The following PLXNA2 variants were observed in gnomAD, a reference collection of about 807,000 sequenced individuals.
The protein encoded by PLXNA2 is plexin A2, also known as plexin-A2.
A neutral mutation model predicts 193.5 loss-of-function variants in PLXNA2; 91 were observed. The ratio of observed to expected loss-of-function variants is 0.47; its 90% CI spans 0.40 to 0.56. PLXNA2 has a LOEUF of 0.56. Ranked by LOEUF, PLXNA2 falls within the 20% of genes least tolerant of loss-of-function variation. The pLI, the probability that PLXNA2 is intolerant of heterozygous loss-of-function variation, is 0.00. For missense variants in PLXNA2, 1,995 were observed against 2,503.2 expected (o/e 0.80, Z 4.33); for synonymous variants, 997 against 1,027.3 (o/e 0.97, Z 0.56).
In PLXNA2 at chr1:208,217,472, G is replaced by T; in HGVS notation, c.451C>A (p.Pro151Thr). ...RLDDLFILVE[P>T]SHKKEHYLSS... ...AGGTAGTGCTCCTTCTTGTGGGATG[G>T]CTCCACCAGGATGAAGAGGTCATCC... Residue 151 changes from proline (P) to threonine (T), a missense_variant, in exon 2 of 32, where the codon CCA becomes ACA. This residue lies in a region of PLXNA2 where 702 missense variants were observed against 812.9 expected (regional missense o/e 0.86). Transcript: ENST00000367033. The surrounding 1 kb of genome is among the most constrained non-coding windows in gnomAD (Gnocchi z 4.7). The T allele has an allele frequency of 1.2e-6, 2 of 1,614,172 alleles. No individual in the cohort carries two copies. Among genetic ancestry groups the T allele is most frequent in the Non-Finnish European group, 1.7e-6 (2 of 1,180,028 alleles).
Position 208,185,718 on chromosome 1 carries a change from AG to A in PLXNA2, c.1371+24561del, listed in dbSNP as rs1572009672. 2.5e-4 allele frequency among the ~76,000 whole-genome samples: 33 copies of A among 129,992 alleles called. 1 individual carries two copies. Among genetic ancestry groups the A allele is most frequent in the Non-Finnish European group, 3.5e-4 (21 of 59,770 alleles). The allele number at this position is 129,992 out of a possible 152,430, so 85.3% of individuals were successfully genotyped here. ...AAGCAAAAAAAAAAAAAAAAAAAAA[AG>A]GAAAAAAAAAAAGAAACTATCACTT... On this transcript the variant is annotated intron_variant, in intron 3 of 31. Transcript: ENST00000367033.
Position 208,038,635 on chromosome 1 carries a change from G to A in PLXNA2, c.4661-161C>T, listed in dbSNP as rs1375381736. 6.6e-6 allele frequency among the ~76,000 whole-genome samples: 1 copy of A among 152,220 alleles called. No homozygotes were observed. The highest frequency in any genetic ancestry group is 2.4e-5 in the African/African-American group (1 of 41,450). On this transcript the variant is annotated intron_variant, in intron 25 of 31. Transcript: ENST00000367033. The surrounding 1 kb of genome is among the most constrained non-coding windows in gnomAD (Gnocchi z 4.1). ...ATCTAGGGCTCCATGGGCCCAGGCA[G>A]CAGAGGAAACACGTAGACCTCCCCA...
chr1:208,075,083 G>A (rs1213807075), intron 12 of PLXNA2, among the ~76,000 whole-genome samples: 6 of 152,170 alleles, frequency 3.9e-5, no homozygotes, highest in African/African-American at 1.2e-4. Context: ...AGTTGAGGTG[G>A]GCGGATCACC....
rs542945948 is a variant in PLXNA2 at position 208,197,916 on chromosome 1, G to A, written c.1371+12364C>T. ...TTGCTTGCTGGTATTTCAGTAAAAG[G>A]CCCAATACAAATATAGAATGTATAA... On this transcript the variant is annotated intron_variant, in intron 3 of 31. Transcript: ENST00000367033. Among the ~76,000 whole-genome samples, 7 of 152,168 alleles carry A rather than the reference G, an allele frequency of 4.6e-5. No individual in the cohort carries two copies. In the East Asian group the frequency reaches 7.7e-4, roughly 17 times the overall value.
intron 12 of PLXNA2, among the ~76,000 whole-genome samples, chr1:208,073,993 G>C (rs960551282): frequency 9.8e-5 from 15 of 152,334 alleles, no homozygotes; most frequent in African/African-American, 3.4e-4. Context: ...AATATATTCA[G>C]GTTGTTTAAG....
rs369536906 is a variant in PLXNA2, at chr1:208,075,291, T to C, written c.2586+3969A>G. 1.1e-4 allele frequency among the ~76,000 whole-genome samples: 16 copies of C among 143,752 alleles called. No homozygotes were observed. The South Asian group carries it at 3.9e-3, about 35-fold the overall frequency. 94.3% of individuals were successfully genotyped at this position (143,752 alleles called of 152,430 possible). On this transcript the variant is annotated intron_variant, in intron 12 of 31. Transcript: ENST00000367033. ...CACCACTGCACTTCAGCCTGGGCGA[T>C]AGAGTGAGACTCTGTCTCAAAAAAA...
intron 9 of PLXNA2, among the ~76,000 whole-genome samples, chr1:208,090,564 C>G (rs1265724291): frequency 1.3e-5 from 2 of 152,148 alleles, no homozygotes; most frequent in African/African-American, 4.8e-5. Context: ...CTGGCCTCCA[C>G]ACACACCCCA....
chr1:208,194,577 G>A (rs1670295389), intron 3 of PLXNA2, among the ~76,000 whole-genome samples: 1 of 150,864 alleles, frequency 6.6e-6, no homozygotes, highest in Admixed American at 6.6e-5. Context: ...TCATCTACAT[G>A]TCTCCATTTG....
intron 28 of PLXNA2, among the ~76,000 whole-genome samples, chr1:208,032,709 C>CTGGGG (rs781766564): frequency 1.8e-4 from 26 of 145,984 alleles, no homozygotes; most frequent in African/African-American, 5.2e-4. Flanking sequence ...TTGGGGGTAG[C>CTGGGG]TGGGGTGGGA....
intron 12 of PLXNA2, among the ~76,000 whole-genome samples, chr1:208,071,629 G>T (rs1341687746): frequency 6.6e-6 from 1 of 152,244 alleles, no homozygotes; most frequent in Non-Finnish European, 1.5e-5. Context: ...CTCCTGCCCG[G>T]CGTGAATCCT....
chr1:208,026,652 C>CTTTTTTTTT lies in PLXNA2; in HGVS notation c.*582_*590dup, dbSNP rs34577290. The CTTTTTTTTT allele has an allele frequency of 2.1e-5, 3 of 140,830 alleles. No homozygotes were observed. The highest frequency in any genetic ancestry group is 7.1e-5 in the Admixed American group (1 of 14,162). The allele number at this position is 140,830 out of a possible 1,614,324, so 8.7% of individuals were successfully genotyped here. ...TCATCATTCTTCTTCTCCTCTTTCT[C>CTTTTTTTTT]TTTTTTTTTTTTTTTTTAATTTCAA... On this transcript the variant is annotated 3_prime_UTR_variant, in exon 32 of 32. Transcript: ENST00000367033.
At chr1:208,215,054 C>T (rs2102608114) in intron 2 of PLXNA2, among the ~76,000 whole-genome samples, 1 of 152,012 alleles carries the variant, frequency 6.6e-6, no homozygotes, top group South Asian at 2.1e-4. Context: ...ACTCTGTCAC[C>T]CAGGCTGGAG....
In PLXNA2 at chr1:208,216,991, T is replaced by A. The variant is rs761226738; in HGVS notation, c.932A>T (p.Gln311Leu). ...TRAGVEYRLL[Q>L]AAYLAKPGDS... The stretch of plus-strand genomic sequence containing the variant: ...CCCAGGCTTGGCCAGGTAAGCAGCC[T>A]GCAGGAGGCGGTATTCCACCCCGGC... Residue 311 changes from glutamine to leucine, a missense_variant, in exon 2 of 32, where the codon CAG becomes CTG. By Grantham distance (113) the Gln-to-Leu change is moderately radical. Transcript: ENST00000367033. The A allele has an allele frequency of 6.2e-7, 1 of 1,612,398 alleles. No homozygotes were observed. Among genetic ancestry groups the A allele is most frequent in the South Asian group, 1.1e-5 (1 of 91,000 alleles).
At chr1:208,072,578 T>G (rs1160455060) in intron 12 of PLXNA2, among the ~76,000 whole-genome samples, 1 of 152,176 alleles carries the variant, frequency 6.6e-6, no homozygotes, top group Non-Finnish European at 1.5e-5. Context: ...GAATCCAGCT[T>G]TCACTTTAGC....
At position 208,038,906 on chromosome 1, in the gene PLXNA2, G is replaced by T; in HGVS notation, c.4579C>A (p.Gln1527Lys). Residue 1527 changes from glutamine (Q) to lysine (K), a missense_variant, in exon 25 of 32, where the codon CAG becomes AAG. Around this residue, in one of 3 missense-constraint regions of PLXNA2, gnomAD observed 1,291 missense variants for 1,673.6 expected, o/e 0.77. Coordinates refer to ENST00000367033, the MANE Select transcript of PLXNA2 (RefSeq NM_025179.4). The surrounding 1 kb of genome is among the most constrained non-coding windows in gnomAD (Gnocchi z 4.1). ...VKVLNCDTIT[Q>K]VKEKILDAVY... ...GCATCAAGAATCTTCTCCTTGACCT[G>T]TGTGATGGTGTCACAGTTTAACACC... 1 of 1,613,946 alleles carries T rather than the reference G, an allele frequency of 6.2e-7. No homozygotes were observed. Among genetic ancestry groups the T allele is most frequent in the African/African-American group, 1.3e-5 (1 of 75,024 alleles).
intron 4 of PLXNA2, among the ~76,000 whole-genome samples, chr1:208,137,612 C>T (rs1036697239): frequency 1.3e-5 from 2 of 152,196 alleles, no homozygotes; most frequent in Non-Finnish European, 2.9e-5. Context: ...GCCAGGCATC[C>T]TCTCAGTGGA....
chr1:208,099,655 CCACCT>C (rs569980487), intron 5 of PLXNA2, among the ~76,000 whole-genome samples: 53 of 152,226 alleles, frequency 3.5e-4, no homozygotes, highest in African/African-American at 1.2e-3. Flanking sequence ...ACTGAAAACT[CCACCT>C]CCCGGGTTCA....
chr1:208,175,102 G>A (rs968237763), intron 3 of PLXNA2, among the ~76,000 whole-genome samples: 7 of 152,174 alleles, frequency 4.6e-5, no homozygotes, highest in Admixed American at 3.9e-4. Context: ...CAACAGCAGT[G>A]AGCAGACTGG....
chr1:208,149,205 CTGTT>C (rs984431769), intron 3 of PLXNA2, among the ~76,000 whole-genome samples: 4 of 150,528 alleles, frequency 2.7e-5, no homozygotes, highest in African/African-American at 9.8e-5. Flanking sequence ...GTGTATGAGT[CTGTT>C]GTGTGTATGT....
Sources: allele counts gnomAD v4.1 joint callset (sites outside exome capture counted in the v4.1 genomes callset), GRCh38; gene constraint gnomAD v4.1.1; regional missense constraint gnomAD v4.1.1; non-coding constraint Gnocchi (gnomAD v3.1); transcripts MANE v1.5; gene names NCBI Gene and HGNC (gene_info 2026-07-23, HGNC 2026-07-21).